Variants in BTBD9 observed in about 807,000 individuals in gnomAD.
BTBD9 encodes BTB domain containing 9.
Under a neutral mutation model 64.3 loss-of-function variants are expected in BTBD9, and 49 were observed. That is an observed-to-expected ratio of 0.76 (90% confidence interval 0.61 to 0.97). The LOEUF (loss-of-function observed/expected upper bound fraction) is 0.97, where lower values mean the gene tolerates loss of function less well. Among genes scored for constraint, BTBD9 ranks in the 50% least tolerant of loss-of-function variants. BTBD9 has a pLI of 0.00. For missense variants in BTBD9, 598 were observed against 762.1 expected, an observed-to-expected ratio of 0.78 and a Z score of 2.53; for synonymous variants, 260 against 274.7, an observed-to-expected ratio of 0.95 and a Z score of 0.53.
intron 6 of BTBD9, among the ~76,000 whole-genome samples, chr6:38,431,720 A>C (rs139309960): frequency 6.6e-6 from 1 of 151,622 alleles, no homozygotes; most frequent in Admixed American, 6.5e-5. Context: ...TTTCTCCTCT[A>C]GACTGATAAA....
chr6:38,377,736 T>C (rs1047478486), intron 6 of BTBD9, among the ~76,000 whole-genome samples: 2 of 152,192 alleles, frequency 1.3e-5, no homozygotes, highest in African/African-American at 4.8e-5. Context: ...AAGATTGATG[T>C]TCCTATCTTC....
chr6:38,211,701 G>GCA, intron 9 of BTBD9, among the ~76,000 whole-genome samples: 1 of 150,094 alleles, frequency 6.7e-6, no homozygotes, highest in Middle Eastern at 3.7e-3. Flanking sequence ...CTGAGATTAA[G>GCA]CCACTGCCCT....
intron 4 of BTBD9, among the ~76,000 whole-genome samples, chr6:38,589,449 G>C (rs967656309): frequency 1.3e-5 from 2 of 152,128 alleles, no homozygotes; most frequent in African/African-American, 4.8e-5. Flanking sequence ...ACTTATATAA[G>C]ACAGGATCCG....
chr6:38,342,231 G>A lies in BTBD9; in HGVS notation c.1264+2753C>T, dbSNP rs190598142. Reference sequence around the variant, plus strand: ...ATGAAAGAAAAATGTTCTGAATCTAGAAACATAAAGGTAGGATTTGAGGGC... The same window carrying A: ...ATGAAAGAAAAATGTTCTGAATCTAAAAACATAAAGGTAGGATTTGAGGGC... On this transcript the variant is annotated intron_variant, in intron 7 of 10. Transcript: ENST00000481247. Among the ~76,000 whole-genome samples the A allele has an allele frequency of 3.6e-3, 542 of 152,098 alleles. 4 individuals carry two copies. The highest frequency in any genetic ancestry group is 6.2e-3 in the Non-Finnish European group (422 of 67,964).
intron 6 of BTBD9, among the ~76,000 whole-genome samples, chr6:38,423,243 C>A (rs1198948280): frequency 6.6e-6 from 1 of 152,024 alleles, no homozygotes; most frequent in African/African-American, 2.4e-5. Context: ...CCAGCCTGGG[C>A]AACAGACAGA....
intron 6 of BTBD9, among the ~76,000 whole-genome samples, chr6:38,476,033 G>C (rs74951849): frequency 6.6e-6 from 1 of 152,096 alleles, no homozygotes; most frequent in African/African-American, 2.4e-5. Context: ...ATGTCCACTC[G>C]ATTTCCTGAA....
At chr6:38,294,420 T>C (rs974166194) in intron 7 of BTBD9, among the ~76,000 whole-genome samples, 9 of 152,156 alleles carry the variant, frequency 5.9e-5, no homozygotes, top group Non-Finnish European at 1.2e-4. Flanking sequence ...CCATCAATGA[T>C]AGACTGGATA....
At chr6:38,366,911 T>C (rs1475033955) in intron 6 of BTBD9, among the ~76,000 whole-genome samples, 2 of 152,364 alleles carry the variant, frequency 1.3e-5, no homozygotes, top group Non-Finnish European at 2.9e-5. Flanking sequence ...TTAGGTAAGG[T>C]AAGCACACAA....
chr6:38,487,666 A>G (rs1250441135), intron 6 of BTBD9, among the ~76,000 whole-genome samples: 3 of 150,026 alleles, frequency 2.0e-5, no homozygotes, highest in Non-Finnish European at 4.4e-5. Flanking sequence ...GGAGGAAAAG[A>G]GAAGAAAAGA....
chr6:38,488,922 TC>T (rs1165097315), intron 6 of BTBD9, among the ~76,000 whole-genome samples: 1 of 149,128 alleles, frequency 6.7e-6, no homozygotes, highest in Admixed American at 6.7e-5. Context: ...AGACAGAATC[TC>T]ACTCTGTCAT....
At chr6:38,255,583 C>T (rs1255541774) in intron 9 of BTBD9, among the ~76,000 whole-genome samples, 1 of 152,190 alleles carries the variant, frequency 6.6e-6, no homozygotes, top group African/African-American at 2.4e-5. Context: ...CTCCTATCTT[C>T]TGCTGCAAGC....
At chr6:38,482,112 A>T (rs909428428) in intron 6 of BTBD9, 2 of 152,200 alleles carry the variant, frequency 1.3e-5, no homozygotes, top group Non-Finnish European at 2.9e-5. Context: ...GCTCAACTGA[A>T]CTTCCTGTCA....
intron 1 of BTBD9, among the ~76,000 whole-genome samples, chr6:38,631,472 A>G (rs1424509329): frequency 6.6e-6 from 1 of 152,232 alleles, no homozygotes; most frequent in Non-Finnish European, 1.5e-5. Flanking sequence ...ATATAGAAGG[A>G]GTAACAGTGT....
At position 38,257,144 on chromosome 6, in the gene BTBD9, C is replaced by T. The variant is rs902641626; in HGVS notation, c.1455-628G>A. On this transcript the variant is annotated intron_variant, in intron 8 of 10. Transcript: ENST00000481247. ...GTCCTGAACTCCTGGCTTCAAGTAT[C>T]CTCCTACCTTTGCCTCCCAAAGTGT... 2.1e-4 allele frequency among the ~76,000 whole-genome samples: 31 copies of T among 148,662 alleles called. No homozygotes were observed. The Admixed American group carries it at 2.1e-3, about 10-fold the overall frequency.
chr6:38,538,997 G>T (rs979399672), intron 6 of BTBD9, among the ~76,000 whole-genome samples: 5 of 152,082 alleles, frequency 3.3e-5, no homozygotes, highest in Non-Finnish European at 7.4e-5. Flanking sequence ...TTGAGACAGG[G>T]TCTTGCCCAT....
chr6:38,209,059 A>C (rs1287487132), intron 9 of BTBD9, among the ~76,000 whole-genome samples: 1 of 152,202 alleles, frequency 6.6e-6, no homozygotes. Flanking sequence ...ACATTGGGAA[A>C]TTTCACAGCA....
At chr6:38,525,683 T>G (rs1351981264) in intron 6 of BTBD9, among the ~76,000 whole-genome samples, 1 of 152,020 alleles carries the variant, frequency 6.6e-6, no homozygotes, top group Non-Finnish European at 1.5e-5. Context: ...GGAAATGGAG[T>G]AAAGGTCACT....
chr6:38,418,395 A>G (rs939400437), intron 6 of BTBD9, among the ~76,000 whole-genome samples: 2 of 152,178 alleles, frequency 1.3e-5, no homozygotes, highest in African/African-American at 4.8e-5. Flanking sequence ...CTTTATCTCT[A>G]CCACTTCCAC....
intron 6 of BTBD9, among the ~76,000 whole-genome samples, chr6:38,561,597 T>C (rs1286980218): frequency 2.0e-5 from 3 of 152,084 alleles, no homozygotes; most frequent in Admixed American, 2.0e-4. Context: ...ATATACACCA[T>C]GGAATAATGC....
Sources: gnomAD v4.1 joint callset for allele counts (sites outside exome capture counted in the v4.1 genomes callset) on GRCh38, gnomAD v4.1.1 for gene constraint, MANE v1.5 for transcripts, NCBI Gene and HGNC (gene_info 2026-07-23, HGNC 2026-07-21) for gene names.